Variants in KIAA1671 observed in about 807,000 individuals in gnomAD.
KIAA1671 encodes the protein uncharacterized protein KIAA1671.
KIAA1671 carries 52 observed loss-of-function variants against 131.2 expected under a neutral mutation model. That is an observed-to-expected ratio of 0.40 (90% CI 0.32 to 0.50). The LOEUF is 0.50. Ranked by LOEUF, KIAA1671 falls within the 20% of genes least tolerant of loss-of-function variation. KIAA1671 has a pLI of 0.73. For synonymous variants in KIAA1671, 1,003 were observed against 961.6 expected, an observed-to-expected ratio of 1.04 and a Z score of -0.80; for missense variants, 2,360 against 2,364.2, an observed-to-expected ratio of 1.00 and a Z score of 0.04.
At chr22:25,188,301 AAAAC>A (rs59519027) in intron 11 of KIAA1671, among the ~76,000 whole-genome samples, 3,133 of 151,676 alleles carry the variant, frequency 0.021, 70 homozygotes, top group East Asian at 0.12. Context: ...ACTCCGTCTC[AAAAC>A]AAACAAACAA....
chr22:25,039,923 A>G lies in KIAA1671; in HGVS notation c.2793A>G (p.Ala931=), dbSNP rs899729503. Residue 931 remains alanine (A), a synonymous_variant, in exon 5 of 13, where the codon GCA becomes GCG. Transcript: ENST00000358431. ...DPGPAQVPQP[A]VRMRKAGAMD... is the part of the protein sequence containing the mutation. ...GGCCGGCCCAGGTGCCACAGCCTGCAGTCAGAATGCGGAAAGCCGGCGCCA... is the reference window on the plus strand; with the variant it reads ...GGCCGGCCCAGGTGCCACAGCCTGCGGTCAGAATGCGGAAAGCCGGCGCCA... 2.0e-4 allele frequency: 318 copies of G among 1,551,566 alleles called. 2 individuals carry two copies. The East Asian group carries it at 6.4e-3, about 31-fold the overall frequency.
At chr22:25,155,049 C>G (rs1372393016) in intron 6 of KIAA1671, among the ~76,000 whole-genome samples, 1 of 152,214 alleles carries the variant, frequency 6.6e-6, no homozygotes, top group Non-Finnish European at 1.5e-5. Flanking sequence ...CTGTCTGAGG[C>G]CCAGGGGACC....
chr22:25,023,219 A>T (rs923291700), intron 1 of KIAA1671: 1 of 151,536 alleles, frequency 6.6e-6, no homozygotes, highest in African/African-American at 2.4e-5. Flanking sequence ...AAATAAATAA[A>T]CAGCCAGATG....
intron 6 of KIAA1671, among the ~76,000 whole-genome samples, chr22:25,114,495 A>G (rs1931554265): frequency 6.6e-6 from 1 of 152,212 alleles, no homozygotes; most frequent in Non-Finnish European, 1.5e-5. Context: ...AACGAAACGC[A>G]AGGCCAGGGA....
At chr22:25,184,456 C>G (rs188373271) in intron 10 of KIAA1671, among the ~76,000 whole-genome samples, 1 of 152,202 alleles carries the variant, frequency 6.6e-6, no homozygotes, top group Non-Finnish European at 1.5e-5. Flanking sequence ...AAGCCACTTG[C>G]CACCACTCAC....
intron 5 of KIAA1671, among the ~76,000 whole-genome samples, chr22:25,044,322 C>A (rs1278895332): frequency 1.3e-5 from 2 of 152,220 alleles, no homozygotes; most frequent in Non-Finnish European, 2.9e-5. Context: ...AGAAGGGTTT[C>A]ATCTGTCCCT....
chr22:25,171,607 C>T (rs1030658629), intron 7 of KIAA1671, among the ~76,000 whole-genome samples: 2 of 151,626 alleles, frequency 1.3e-5, no homozygotes, highest in African/African-American at 2.4e-5. Flanking sequence ...GCCAACTGCT[C>T]AGGAGGCTGA....
At chr22:24,959,144 G>A (rs1197172407) in intron 1 of KIAA1671, among the ~76,000 whole-genome samples, 1 of 151,890 alleles carries the variant, frequency 6.6e-6, no homozygotes, top group Non-Finnish European at 1.5e-5. Context: ...GCCTGAGACA[G>A]AGTGAGTCCT....
chr22:25,125,579 G>A (rs569946593), intron 6 of KIAA1671, among the ~76,000 whole-genome samples: 24 of 152,140 alleles, frequency 1.6e-4, no homozygotes, highest in Non-Finnish European at 1.8e-4. Context: ...TGACATTGAC[G>A]TTCGGGGCTG....
chr22:25,065,743 G>A (rs569714555), intron 6 of KIAA1671, among the ~76,000 whole-genome samples: 2 of 151,548 alleles, frequency 1.3e-5, no homozygotes, highest in East Asian at 2.0e-4. Flanking sequence ...GGATTCAAGC[G>A]ATTCTCCTGC....
Position 25,093,796 on chromosome 22 carries a change from C to CTGTCTCTCTT in KIAA1671, c.4530+44433_4530+44434insGTCTCTCTTT, listed in dbSNP as rs1930220876. On this transcript the variant is annotated intron_variant, in intron 6 of 12. Coordinates refer to ENST00000358431, the MANE Select transcript of KIAA1671 (RefSeq NM_001145206.2). Reference sequence around the variant, plus strand: ...TCTCTCTCTCTCTCTCTCTCTCTCTCTCTCTCTCTCTCTCTGTCTCTCTCT... The same window carrying CTGTCTCTCTT: ...TCTCTCTCTCTCTCTCTCTCTCTCTCTGTCTCTCTTTCTCTCTCTCTCTCTGTCTCTCTCT... 2.8e-5 allele frequency among the ~76,000 whole-genome samples: 4 copies of CTGTCTCTCTT among 141,692 alleles called. 1 individual carries two copies. The highest frequency in any genetic ancestry group is 1.1e-4 in the African/African-American group (4 of 37,762). 93.0% of individuals were successfully genotyped at this position (141,692 alleles called of 152,430 possible).
intron 1 of KIAA1671, among the ~76,000 whole-genome samples, chr22:24,985,050 TC>T (rs1189976902): frequency 1.3e-5 from 2 of 152,014 alleles, no homozygotes; most frequent in Non-Finnish European, 1.5e-5. Context: ...TTCCAACTGT[TC>T]CAGAAGCACG....
chr22:25,005,312 C>T (rs1396461050), intron 1 of KIAA1671, among the ~76,000 whole-genome samples: 2 of 145,558 alleles, frequency 1.4e-5, no homozygotes, highest in Non-Finnish European at 3.0e-5. Flanking sequence ...GGTGCCACTG[C>T]ACTCCAGCCT....
chr22:25,019,090 G>GTT lies in KIAA1671; in HGVS notation c.-207-6542_-207-6541insTT, dbSNP rs1555954415. On this transcript the variant is annotated intron_variant, in intron 1 of 12. Transcript: ENST00000358431. The stretch of plus-strand genomic sequence containing the variant: ...TGTGTGTGTGTGTGTGTGTGTGTGT[G>GTT]TGTTTTAATTAAGTAATAGCCACTC... Among the ~76,000 whole-genome samples, 327 of 134,360 alleles carry GTT rather than the reference G, an allele frequency of 2.4e-3. 2 individuals carry two copies. The highest frequency in any genetic ancestry group is 7.7e-3 in the African/African-American group (295 of 38,422). 88.1% of individuals were successfully genotyped at this position (134,360 alleles called of 152,430 possible).
At position 25,194,827 on chromosome 22, in the gene KIAA1671, C is replaced by T. The variant is rs535633981; in HGVS notation, c.*2426C>T. On this transcript the variant is annotated 3_prime_UTR_variant, in exon 13 of 13. Coordinates refer to ENST00000358431, the MANE Select transcript of KIAA1671 (RefSeq NM_001145206.2). ...CTCTTTCACGTGGGCTCTGCCATGA[C>T]CTCTGAGACCTGCTTATGATCAGTG... 1 of 152,174 alleles carries T rather than the reference C, an allele frequency of 6.6e-6. No homozygotes were observed. Among genetic ancestry groups the T allele is most frequent in the Admixed American group, 6.5e-5 (1 of 15,280 alleles). The allele number at this position is 152,174 out of a possible 1,614,324, so 9.4% of individuals were successfully genotyped here.
chr22:25,121,354 CG>C (rs1931934137), intron 6 of KIAA1671, among the ~76,000 whole-genome samples: 2 of 151,316 alleles, frequency 1.3e-5, no homozygotes, highest in African/African-American at 4.9e-5. Flanking sequence ...CCCAGCTGCT[CG>C]GGAGGCTGAG....
intron 6 of KIAA1671, among the ~76,000 whole-genome samples, chr22:25,114,145 CAAGAGTG>C (rs1931535319): frequency 6.6e-6 from 1 of 152,166 alleles, no homozygotes; most frequent in African/African-American, 2.4e-5. Context: ...GAGATGCCAC[CAAGAGTG>C]TAAATACATG....
chr22:25,013,926 G>GGGGA (rs1450548840), intron 1 of KIAA1671: 18 of 152,326 alleles, frequency 1.2e-4, no homozygotes, highest in African/African-American at 4.1e-4. Context: ...GTCTGCCCCA[G>GGGGA]GGGAGGGAGT....
intron 1 of KIAA1671, chr22:25,010,078 T>C (rs896801737): frequency 4.6e-5 from 7 of 152,266 alleles, no homozygotes; most frequent in Admixed American, 2.6e-4. Flanking sequence ...GTTAGAGAGC[T>C]ATTGCTTTGG....
Sources: gnomAD v4.1 joint callset for allele counts (sites outside exome capture counted in the v4.1 genomes callset) on GRCh38, gnomAD v4.1.1 for gene constraint, MANE v1.5 for transcripts, NCBI Gene and HGNC (gene_info 2026-07-23, HGNC 2026-07-21) for gene names.